Variants in ADGRV1 observed in about 807,000 individuals in gnomAD.
ADGRV1 encodes the protein G-protein coupled receptor 98.
A neutral mutation model predicts 596.2 loss-of-function variants in ADGRV1; 359 were observed. The observed-to-expected ratio is 0.60, with a 90% CI of 0.55 to 0.66. ADGRV1 has a LOEUF of 0.66. ADGRV1 is among the 30% of genes least tolerant of loss of function. ADGRV1 has a pLI of 0.00. For synonymous variants in ADGRV1, 2,681 were observed against 2,679.2 expected, an observed-to-expected ratio of 1.00 and a Z score of -0.02; for missense variants, 7,274 against 7,575.6, an observed-to-expected ratio of 0.96 and a Z score of 1.48.
At chr5:90,602,130 T>A (rs1761483415) in intron 1 of ADGRV1, among the ~76,000 whole-genome samples, 1 of 152,250 alleles carries the variant, frequency 6.6e-6, no homozygotes, top group Admixed American at 6.5e-5. Flanking sequence ...GACTCCCGTA[T>A]GTGTATCCTA....
chr5:90,726,307 T>C (rs1012266777), intron 48 of ADGRV1, among the ~76,000 whole-genome samples: 6 of 152,172 alleles, frequency 3.9e-5, no homozygotes. Flanking sequence ...ATTCCCTCCA[T>C]CTCTGACATC....
chr5:91,041,476 G>A (rs1009059715), intron 85 of ADGRV1, among the ~76,000 whole-genome samples: 1 of 151,990 alleles, frequency 6.6e-6, no homozygotes, highest in Admixed American at 6.6e-5. Context: ...TCACACACTG[G>A]GGCCCATCGA....
At chr5:90,923,099 G>A (rs867331459) in intron 83 of ADGRV1, among the ~76,000 whole-genome samples, 4 of 152,292 alleles carry the variant, frequency 2.6e-5, no homozygotes, top group African/African-American at 7.2e-5. Context: ...AGAAATAGAA[G>A]CATTTTTGCA....
intron 72 of ADGRV1, among the ~76,000 whole-genome samples, chr5:90,805,878 T>C (rs1761856246): frequency 6.6e-6 from 1 of 152,196 alleles, no homozygotes; most frequent in Admixed American, 6.5e-5. Context: ...TACCATTAGG[T>C]CTTTGAGAGC....
chr5:90,886,225 T>C (rs1236479259), intron 83 of ADGRV1, among the ~76,000 whole-genome samples: 1 of 152,160 alleles, frequency 6.6e-6, no homozygotes, highest in South Asian at 2.1e-4. Flanking sequence ...CGGGAACCTT[T>C]ATTTTCCTTC....
chr5:90,949,766 A>G (rs927217592), intron 83 of ADGRV1, among the ~76,000 whole-genome samples: 4 of 152,226 alleles, frequency 2.6e-5, no homozygotes, highest in Non-Finnish European at 2.9e-5. Context: ...AGAAGCAAAA[A>G]AAATAAAATT....
intron 71 of ADGRV1, among the ~76,000 whole-genome samples, chr5:90,803,641 G>A (rs890644709): frequency 1.3e-5 from 2 of 152,044 alleles, no homozygotes; most frequent in East Asian, 1.9e-4. Context: ...AGCTACTCCC[G>A]CCTGAGCATC....
chr5:90,806,145 C>T (rs553361679), intron 72 of ADGRV1, among the ~76,000 whole-genome samples: 175 of 152,190 alleles, frequency 1.1e-3, no homozygotes, highest in Middle Eastern at 6.8e-3. Flanking sequence ...CCCAAGATCT[C>T]GGCATCACTG....
rs1020164293 is a variant in ADGRV1 at position 90,757,296 on chromosome 5, A to G, written c.11940+135A>G. On this transcript the variant is annotated intron_variant, in intron 57 of 89. Transcript: ENST00000405460. The stretch of plus-strand genomic sequence containing the variant: ...TGTTTCTATGTTAAGTCAAACAAAT[A>G]TTATTAATTGAAATACAATTTATTA... 1.7e-5 allele frequency: 11 copies of G among 644,544 alleles called. No individual in the cohort carries two copies. The Admixed American group carries it at 1.8e-4, about 10-fold the overall frequency. 39.9% of individuals were successfully genotyped at this position (644,544 alleles called of 1,614,324 possible).
chr5:91,058,736 C>T (rs2151338386), intron 85 of ADGRV1, among the ~76,000 whole-genome samples: 1 of 152,228 alleles, frequency 6.6e-6, no homozygotes, highest in East Asian at 1.9e-4. Context: ...ACTGATTTTG[C>T]AGAAACACAC....
At chr5:90,983,897 T>C (rs1780282037) in intron 84 of ADGRV1, among the ~76,000 whole-genome samples, 1 of 152,196 alleles carries the variant, frequency 6.6e-6, no homozygotes, top group South Asian at 2.1e-4. Flanking sequence ...AGATACAATC[T>C]TACTCAGAAG....
intron 11 of ADGRV1, chr5:90,640,759 C>G (rs1259679328): frequency 2.6e-5 from 4 of 152,604 alleles, no homozygotes; most frequent in African/African-American, 9.6e-5. Flanking sequence ...CTAAGTTTCT[C>G]ACAGTATTAG....
At chr5:90,568,687 T>C (rs558087449) in intron 1 of ADGRV1, among the ~76,000 whole-genome samples, 2 of 152,318 alleles carry the variant, frequency 1.3e-5, no homozygotes, top group African/African-American at 4.8e-5. Flanking sequence ...TTAGTCGTTA[T>C]ATTCAGTATT....
chr5:91,028,568 A>G (rs1228718428), intron 85 of ADGRV1, among the ~76,000 whole-genome samples: 1 of 151,928 alleles, frequency 6.6e-6, no homozygotes, highest in Non-Finnish European at 1.5e-5. Context: ...GACTTATGTA[A>G]TTTACTAGAT....
intron 6 of ADGRV1, among the ~76,000 whole-genome samples, 170 bp from the exon 7 acceptor site, chr5:90,627,041 G>C (rs900716661): frequency 6.6e-6 from 1 of 152,066 alleles, no homozygotes; most frequent in Non-Finnish European, 1.5e-5. Context: ...TTTACCTGTG[G>C]AAAATATTTT....
intron 89 of ADGRV1, 24 bp from the exon 90 acceptor site, chr5:91,163,758 G>C (rs1284334463): frequency 9.5e-7 from 1 of 1,047,958 alleles, no homozygotes; most frequent in African/African-American, 1.6e-5. Flanking sequence ...TTGGATTTTT[G>C]TGTTCATTCT....
At chr5:90,786,316 G>A (rs1451276548) in intron 67 of ADGRV1, among the ~76,000 whole-genome samples, 1 of 152,132 alleles carries the variant, frequency 6.6e-6, no homozygotes, top group Non-Finnish European at 1.5e-5. Context: ...GAGTTGATGG[G>A]TGCAGCAAAC....
At chr5:90,683,000 A>C (rs551749099) in intron 27 of ADGRV1, among the ~76,000 whole-genome samples, 1 of 152,330 alleles carries the variant, frequency 6.6e-6, no homozygotes, top group Non-Finnish European at 1.5e-5. Flanking sequence ...GAAAAACACC[A>C]TTTATACATT....
intron 56 of ADGRV1, 90 bp from the exon 57 acceptor site, chr5:90,756,889 A>G (rs1020872372): frequency 2.0e-5 from 22 of 1,100,254 alleles, no homozygotes; most frequent in Non-Finnish European, 2.6e-5. Context: ...GGTGAAATAT[A>G]GAAAGTTAAG....
Sources: gnomAD v4.1 joint callset for allele counts (sites outside exome capture counted in the v4.1 genomes callset) on GRCh38, gnomAD v4.1.1 for gene constraint, MANE v1.5 for transcripts, NCBI Gene and HGNC (gene_info 2026-07-23, HGNC 2026-07-21) for gene names.